The following TRHDE variants were observed in gnomAD, a reference collection of about 807,000 sequenced individuals.
TRHDE encodes the protein thyrotropin-releasing hormone-degrading ectoenzyme.
In TRHDE, 72 loss-of-function variants were observed where a neutral mutation model predicts 125.7. That is an observed-to-expected ratio of 0.57 (90% confidence interval 0.47 to 0.70). The LOEUF (loss-of-function observed/expected upper bound fraction) is 0.70, where lower values mean the gene tolerates loss of function less well. TRHDE is among the 30% of genes least tolerant of loss of function. TRHDE has a pLI of 0.00. For synonymous variants in TRHDE, 509 were observed against 509.1 expected, an observed-to-expected ratio of 1.00 and a Z score of 0.00; for missense variants, 1,110 against 1,327.1, an observed-to-expected ratio of 0.84 and a Z score of 2.54.
chr12:72,608,784 C>T (rs966480008), intron 12 of TRHDE, among the ~76,000 whole-genome samples: 2 of 152,116 alleles, frequency 1.3e-5, no homozygotes, highest in African/African-American at 4.8e-5. Context: ...CCCATATTTT[C>T]TTTTACTAGA....
intron 15 of TRHDE, among the ~76,000 whole-genome samples, chr12:72,640,874 A>G (rs1360639249): frequency 6.6e-6 from 1 of 152,236 alleles, no homozygotes; most frequent in Non-Finnish European, 1.5e-5. Flanking sequence ...CTCTAAATCA[A>G]TGGCACGTAT....
intron 2 of TRHDE, among the ~76,000 whole-genome samples, chr12:72,183,387 C>A (rs530755964): frequency 6.6e-6 from 1 of 152,306 alleles, no homozygotes; most frequent in African/African-American, 2.4e-5. Context: ...TTAGTAAAAT[C>A]TTCTCTCGAA....
intron 2 of TRHDE, among the ~76,000 whole-genome samples, chr12:72,160,931 G>A (rs1181216720): frequency 6.6e-6 from 1 of 152,100 alleles, no homozygotes; most frequent in African/African-American, 2.4e-5. Context: ...TGTTTGAGTA[G>A]AACTCTTCAC....
chr12:72,164,160 AATGCATTG>A (rs1485526461), intron 2 of TRHDE, among the ~76,000 whole-genome samples: 1 of 152,166 alleles, frequency 6.6e-6, no homozygotes, highest in African/African-American at 2.4e-5. Flanking sequence ...TTCATCGATA[AATGCATTG>A]ATGAGGGTAG....
chr12:72,381,162 C>T (rs1020922117), intron 3 of TRHDE, among the ~76,000 whole-genome samples: 3 of 152,066 alleles, frequency 2.0e-5, no homozygotes, highest in African/African-American at 7.2e-5. Context: ...TACTGCTAAC[C>T]ATCCTACAAT....
chr12:72,258,401 G>A (rs888461538), intron 2 of TRHDE, among the ~76,000 whole-genome samples: 2 of 152,074 alleles, frequency 1.3e-5, no homozygotes, highest in African/African-American at 4.8e-5. Context: ...TTGATGTTAT[G>A]TAATTAGTTC....
chr12:72,521,917 G>A (rs1868258454), intron 6 of TRHDE, among the ~76,000 whole-genome samples: 1 of 152,196 alleles, frequency 6.6e-6, no homozygotes, highest in Non-Finnish European at 1.5e-5. Flanking sequence ...AGTTTGAAAT[G>A]AGTGTGGTGG....
intron 15 of TRHDE, among the ~76,000 whole-genome samples, chr12:72,635,841 T>A (rs1338461004): frequency 6.6e-6 from 1 of 152,190 alleles, no homozygotes; most frequent in East Asian, 1.9e-4. Flanking sequence ...CTGAGGGCTC[T>A]GTTCTGTTCC....
chr12:72,501,463 T>C (rs1878152039), intron 6 of TRHDE, among the ~76,000 whole-genome samples: 1 of 152,114 alleles, frequency 6.6e-6, no homozygotes. Flanking sequence ...TTTTTTTTGT[T>C]TTTTAGTTTG....
chr12:72,293,017 C>A (rs1299870027), intron 2 of TRHDE, among the ~76,000 whole-genome samples: 1 of 152,054 alleles, frequency 6.6e-6, no homozygotes, highest in African/African-American at 2.4e-5. Flanking sequence ...TTGGGGTTAA[C>A]TTGATCGCTG....
rs1592598028 is a variant in TRHDE at position 72,653,276 on chromosome 12, C to A, written c.2984+120C>A. 1.4e-5 allele frequency: 10 copies of A among 712,992 alleles called. No homozygotes were observed. In the East Asian group the frequency reaches 3.3e-4, roughly 24 times the overall value. 44.2% of individuals were successfully genotyped at this position (712,992 alleles called of 1,614,324 possible). ...TAGGTTTAGATATTAAAATATTCAA[C>A]CAAGATAAATGTTGCCACTCCCGTG... is the stretch of plus-strand genomic sequence containing the variant. On this transcript the variant is annotated intron_variant, in intron 17 of 18. Transcript: ENST00000261180.
At chr12:72,517,208 C>T (rs1427513877) in intron 6 of TRHDE, among the ~76,000 whole-genome samples, 1 of 151,442 alleles carries the variant, frequency 6.6e-6, no homozygotes, top group African/African-American at 2.4e-5. Flanking sequence ...GGAATAGTTT[C>T]AGAAGGAATG....
At chr12:72,316,101 A>T (rs559294174) in intron 2 of TRHDE, among the ~76,000 whole-genome samples, 15 of 152,178 alleles carry the variant, frequency 9.9e-5, no homozygotes, top group Non-Finnish European at 2.2e-4. Context: ...GTAGCTTGTC[A>T]TTGAATATAT....
chr12:72,108,897 G>A (rs1177312317), intron 2 of TRHDE, among the ~76,000 whole-genome samples: 1 of 151,994 alleles, frequency 6.6e-6, no homozygotes, highest in Non-Finnish European at 1.5e-5. Flanking sequence ...TAGGCCACTG[G>A]GGAGGGAAGC....
intron 2 of TRHDE, among the ~76,000 whole-genome samples, chr12:72,217,963 A>G (rs1032374962): frequency 6.6e-6 from 1 of 152,138 alleles, no homozygotes; most frequent in African/African-American, 2.4e-5. Context: ...AAAAATGTAT[A>G]CATGATTATG....
intron 12 of TRHDE, among the ~76,000 whole-genome samples, chr12:72,604,136 G>A (rs7969934): frequency 0.41 from 61,616 of 151,948 alleles, 14,561 homozygotes; most frequent in African/African-American, 0.65. Flanking sequence ...AGTCCAGAGA[G>A]GATAAAAAAC....
At chr12:72,302,054 A>G (rs1868269973) in intron 2 of TRHDE, among the ~76,000 whole-genome samples, 1 of 152,076 alleles carries the variant, frequency 6.6e-6, no homozygotes, top group Non-Finnish European at 1.5e-5. Flanking sequence ...TTATAACCTA[A>G]TTATTAGAGG....
At chr12:72,301,425 G>T (rs964033728) in intron 2 of TRHDE, among the ~76,000 whole-genome samples, 1 of 152,110 alleles carries the variant, frequency 6.6e-6, no homozygotes, top group Non-Finnish European at 1.5e-5. Context: ...AAGGCAGTGC[G>T]AACAGTGAGA....
intron 2 of TRHDE, among the ~76,000 whole-genome samples, chr12:72,129,095 T>C (rs1875792476): frequency 6.6e-6 from 1 of 152,220 alleles, no homozygotes; most frequent in Non-Finnish European, 1.5e-5. Context: ...CAGATTTCTC[T>C]CTGAAAACAG....
Sources: allele counts gnomAD v4.1 joint callset (sites outside exome capture counted in the v4.1 genomes callset), GRCh38; gene constraint gnomAD v4.1.1; transcripts MANE v1.5; gene names NCBI Gene and HGNC (gene_info 2026-07-23, HGNC 2026-07-21).